XPO6: variants seen among roughly 807,000 people sequenced by gnomAD.
XPO6 encodes the protein exportin-6.
A neutral mutation model predicts 130.0 loss-of-function variants in XPO6; 3 were observed. The ratio of observed to expected loss-of-function variants is 0.02; its 90% CI spans 0.01 to 0.06. The LOEUF is 0.06. XPO6 is among the 10% of genes least tolerant of loss of function. XPO6 has a pLI of 1.00. For synonymous variants in XPO6, 524 were observed against 548.9 expected (o/e 0.95, Z 0.63); for missense variants, 970 against 1,393.0 (o/e 0.70, Z 4.83).
intron 12 of XPO6, among the ~76,000 whole-genome samples, chr16:28,130,673 T>A (rs982125038): frequency 6.6e-6 from 1 of 152,158 alleles, no homozygotes; most frequent in Non-Finnish European, 1.5e-5. Context: ...TTATAAATGA[T>A]CCGGACGAGC....
At chr16:28,198,691 A>T (rs960408267) in intron 1 of XPO6, among the ~76,000 whole-genome samples, 13 of 152,014 alleles carry the variant, frequency 8.6e-5, no homozygotes, top group Admixed American at 6.5e-4. Context: ...GAAAATTTTT[A>T]AAAAATAAAT....
At chr16:28,153,366 A>C in intron 7 of XPO6, 1 of 985,432 alleles carries the variant, frequency 1.0e-6, no homozygotes, top group Non-Finnish European at 1.2e-6. Flanking sequence ...AGAACTGGGC[A>C]AGCCTCAGGG....
At chr16:28,156,950 A>G (rs931746756) in intron 6 of XPO6, among the ~76,000 whole-genome samples, 1 of 152,220 alleles carries the variant, frequency 6.6e-6, no homozygotes, top group African/African-American at 2.4e-5. Context: ...AGCATGATAC[A>G]TGACCATTAA....
intron 6 of XPO6, among the ~76,000 whole-genome samples, chr16:28,164,348 GAACAA>G (rs1365386586): frequency 6.6e-6 from 1 of 152,166 alleles, no homozygotes; most frequent in Non-Finnish European, 1.5e-5. Context: ...AAAGACAGTT[GAACAA>G]AAGCATCAAA....
chr16:28,197,797 C>A (rs2043889079), intron 1 of XPO6, among the ~76,000 whole-genome samples: 2 of 150,798 alleles, frequency 1.3e-5, no homozygotes, highest in South Asian at 4.2e-4. Context: ...CGGGCGCCTG[C>A]AGTACCAGCT....
At chr16:28,131,257 T>C (rs920607237) in intron 12 of XPO6, among the ~76,000 whole-genome samples, 14 of 152,128 alleles carry the variant, frequency 9.2e-5, no homozygotes, top group East Asian at 3.9e-4. Context: ...GAAGCTTATA[T>C]AGTCATGGAA....
intron 13 of XPO6, 62 bp downstream of exon 13, chr16:28,125,627 C>T: frequency 6.4e-7 from 1 of 1,562,898 alleles, no homozygotes; most frequent in Non-Finnish European, 8.7e-7. Context: ...CTGCCCCTCA[C>T]ACAAGAAGGT....
intron 9 of XPO6, among the ~76,000 whole-genome samples, chr16:28,136,202 A>G (rs2042771742): frequency 6.7e-6 from 1 of 148,876 alleles, no homozygotes; most frequent in South Asian, 2.2e-4. Flanking sequence ...ATCACCAATG[A>G]AGTGTTTTGT....
chr16:28,136,933 C>A (rs2042790675), intron 9 of XPO6, among the ~76,000 whole-genome samples: 1 of 152,250 alleles, frequency 6.6e-6, no homozygotes, highest in South Asian at 2.1e-4. Context: ...TCAAAGGACA[C>A]TTTGTTTCGG....
intron 1 of XPO6, among the ~76,000 whole-genome samples, chr16:28,207,850 A>G (rs1273960388): frequency 6.6e-6 from 1 of 152,224 alleles, no homozygotes; most frequent in East Asian, 1.9e-4. Flanking sequence ...CTGAATGACT[A>G]AGAGAAAAAC....
chr16:28,199,712 A>G (rs548765750), intron 1 of XPO6, among the ~76,000 whole-genome samples: 2 of 151,594 alleles, frequency 1.3e-5, no homozygotes, highest in East Asian at 2.0e-4. Context: ...GATTACAGGC[A>G]CCCACCACCA....
chr16:28,176,664 A>ATTT (rs34096451), intron 3 of XPO6, among the ~76,000 whole-genome samples: 36 of 134,680 alleles, frequency 2.7e-4, no homozygotes, highest in African/African-American at 9.3e-4. Context: ...CGCCCGGCTA[A>ATTT]TTTTTTTTTT....
At chr16:28,143,542 A>G in intron 9 of XPO6, among the ~76,000 whole-genome samples, 1 of 152,272 alleles carries the variant, frequency 6.6e-6, no homozygotes, top group East Asian at 1.9e-4. Context: ...CCACTGCTCT[A>G]TTAGTATAAT....
chr16:28,138,425 C>T (rs575604113), intron 9 of XPO6, among the ~76,000 whole-genome samples: 17 of 151,952 alleles, frequency 1.1e-4, no homozygotes, highest in African/African-American at 3.4e-4. Context: ...CTAAATTAGA[C>T]CTAAAATCTT....
intron 3 of XPO6, among the ~76,000 whole-genome samples, 199 bp downstream of exon 3, chr16:28,177,021 C>T (rs2043544739): frequency 6.6e-6 from 1 of 152,146 alleles, no homozygotes; most frequent in African/African-American, 2.4e-5. Flanking sequence ...CTAAAGTCAA[C>T]CATCCATCTT....
chr16:28,177,120 A>C (rs557537708), intron 3 of XPO6, 100 bp downstream of exon 3: 19 of 676,756 alleles, frequency 2.8e-5, no homozygotes, highest in Non-Finnish European at 4.2e-5. Context: ...GAGCTGAGCT[A>C]CCCTCTCCCA....
chr16:28,166,404 C>T, intron 6 of XPO6, 104 bp downstream of exon 6: 1 of 1,248,982 alleles, frequency 8.0e-7, no homozygotes, highest in Admixed American at 2.2e-5. Context: ...AGTGATCCTC[C>T]CACCTCAGCC....
At chr16:28,204,029 C>T (rs2043989224) in intron 1 of XPO6, among the ~76,000 whole-genome samples, 1 of 152,142 alleles carries the variant, frequency 6.6e-6, no homozygotes, top group African/African-American at 2.4e-5. Context: ...TCTGAAACTT[C>T]CAAACTTCTG....
At chr16:28,166,387 G>T in intron 6 of XPO6, 121 bp downstream of exon 6, 3 of 1,003,310 alleles carry the variant, frequency 3.0e-6, no homozygotes, top group Non-Finnish European at 4.4e-6. Context: ...TCAAACTCTT[G>T]GCCTCTAGTG....
Sources: gnomAD v4.1 joint callset for allele counts (sites outside exome capture counted in the v4.1 genomes callset) on GRCh38, gnomAD v4.1.1 for gene constraint, MANE v1.5 for transcripts, NCBI Gene and HGNC (gene_info 2026-07-23, HGNC 2026-07-21) for gene names.